The following TTC3 variants were observed in gnomAD, a reference collection of about 807,000 sequenced individuals.
TTC3 encodes tetratricopeptide repeat domain 3.
In TTC3, 180 loss-of-function variants were observed where a neutral mutation model predicts 249.6. The ratio of observed to expected loss-of-function variants is 0.72; its 90% CI spans 0.64 to 0.82. TTC3 has a LOEUF of 0.82. TTC3 is among the 40% of genes least tolerant of loss of function. The pLI is 0.00. For missense variants in TTC3, 2,061 were observed against 2,398.4 expected (o/e 0.86, Z 2.94); for synonymous variants, 717 against 805.0 (o/e 0.89, Z 1.85).
At chr21:37,123,273 G>T (rs1429908309) in intron 13 of TTC3, among the ~76,000 whole-genome samples, 2 of 152,152 alleles carry the variant, frequency 1.3e-5, no homozygotes, top group Admixed American at 1.3e-4. Flanking sequence ...TGGGAAAAGA[G>T]GGGTGAAATG....
intron 30 of TTC3, among the ~76,000 whole-genome samples, chr21:37,161,102 G>T (rs1237609610): frequency 2.0e-5 from 2 of 100,520 alleles, no homozygotes; most frequent in Admixed American, 1.1e-4. Context: ...GTATTTCTGA[G>T]TAAAAAAAAA....
At chr21:37,122,926 G>A in intron 12 of TTC3, 57 bp from the exon 13 acceptor site, 1 of 1,576,734 alleles carries the variant, frequency 6.3e-7, no homozygotes, top group Non-Finnish European at 8.7e-7. Flanking sequence ...ATCTTTTAAA[G>A]TCTGTGTTGC....
At chr21:37,201,941 C>T (rs1219505960) in exon 46 of TTC3, 1 of 185,682 alleles carries the variant, frequency 5.4e-6, no homozygotes, top group African/African-American at 2.4e-5. Flanking sequence ...CGTTTGTTCC[C>T]CTTTTCTGTT....
At chr21:37,175,729 G>A (rs534727581) in intron 35 of TTC3, among the ~76,000 whole-genome samples, 5 of 151,858 alleles carry the variant, frequency 3.3e-5, no homozygotes, top group Non-Finnish European at 7.4e-5. Context: ...AGGCAATTAG[G>A]CCAGTTATCT....
At chr21:37,087,790 A>G in intron 2 of TTC3, 43 bp from the exon 3 acceptor site, 2 of 1,455,222 alleles carry the variant, frequency 1.4e-6, no homozygotes, top group Non-Finnish European at 9.5e-7. Context: ...AAAATCAAGA[A>G]CATTTTACTA....
chr21:37,130,309 G>A (rs1051040839), intron 16 of TTC3, among the ~76,000 whole-genome samples: 1 of 151,822 alleles, frequency 6.6e-6, no homozygotes, highest in Non-Finnish European at 1.5e-5. Flanking sequence ...CTTCTTCCCT[G>A]CCCTCCCCTG....
chr21:37,129,023 G>A, exon 16 of TTC3: 2 of 1,594,050 alleles, frequency 1.3e-6, no homozygotes, highest in East Asian at 2.3e-5. Flanking sequence ...AAAACATAAA[G>A]GAAAACAAAA....
chr21:37,085,159 C>T (rs185180979), intron 1 of TTC3, among the ~76,000 whole-genome samples: 1 of 152,240 alleles, frequency 6.6e-6, no homozygotes, highest in African/African-American at 2.4e-5. Context: ...GTAATTGATG[C>T]CATGATGTGT....
intron 25 of TTC3, among the ~76,000 whole-genome samples, chr21:37,151,111 A>C (rs886925234): frequency 6.6e-6 from 1 of 152,162 alleles, no homozygotes; most frequent in Non-Finnish European, 1.5e-5. Flanking sequence ...TAGTGGTTGA[A>C]TTTACAATTA....
intron 13 of TTC3, 67 bp downstream of exon 13, chr21:37,123,095 AC>A: frequency 6.5e-7 from 1 of 1,543,832 alleles, no homozygotes; most frequent in South Asian, 1.1e-5. Flanking sequence ...TTTAAGAATC[AC>A]TTATGTTTGA....
chr21:37,188,571 TGAA>T (rs1007273126), exon 39 of TTC3: 1 of 1,613,936 alleles, frequency 6.2e-7, no homozygotes, highest in African/African-American at 1.3e-5. Context: ...GAAGCCTTTC[TGAA>T]GAAGCTGGGG....
chr21:37,112,900 TA>T (rs1307264834), intron 11 of TTC3, among the ~76,000 whole-genome samples: 1 of 152,202 alleles, frequency 6.6e-6, no homozygotes, highest in African/African-American at 2.4e-5. Context: ...TGAAAATCAA[TA>T]AATGTAATCC....
At chr21:37,166,655 A>G in intron 33 of TTC3, 40 bp downstream of exon 33, 1 of 1,531,336 alleles carries the variant, frequency 6.5e-7, no homozygotes, top group East Asian at 2.3e-5. Flanking sequence ...TACTGAAGTT[A>G]AATTTTCCTT....
At chr21:37,197,834 G>A (rs766598291) in intron 43 of TTC3, 48 bp from the exon 44 acceptor site, 2 of 1,583,956 alleles carry the variant, frequency 1.3e-6, no homozygotes. Context: ...TTGGATAACT[G>A]GTTGCTTCCC....
Position 37,165,749 on chromosome 21 carries a change from A to G in TTC3, c.3535A>G (p.Lys1179Glu), listed in dbSNP as rs1187164888. 7 of 1,613,410 alleles carry G rather than the reference A, an allele frequency of 4.3e-6. No homozygotes were observed. The Admixed American group carries it at 1.2e-4, about 27-fold the overall frequency. The change falls in exon 33 of 46, where the codon AAG becomes GAG. Residue 1179 changes from lysine to glutamate, a missense_variant. By Grantham distance (56) the Lys-to-Glu change is moderately conservative. This residue lies in a region of TTC3 where 1,040 missense variants were observed against 1,186.1 expected (regional missense o/e 0.88). Transcript: ENST00000355666. ...ACTGAAGAAGGTTGCATCACGGCTC[A>G]AGAAAAAAAGGAAGAAGAAAAACAT...
chr21:37,114,370 C>A (rs1045811235), intron 11 of TTC3, among the ~76,000 whole-genome samples: 1 of 152,030 alleles, frequency 6.6e-6, no homozygotes, highest in African/African-American at 2.4e-5. Flanking sequence ...AAAAAGTGGG[C>A]GAAGGATATG....
At chr21:37,122,857 A>T in intron 12 of TTC3, 126 bp from the exon 13 acceptor site, 1 of 964,538 alleles carries the variant, frequency 1.0e-6, no homozygotes, top group Non-Finnish European at 1.5e-6. Context: ...AATTGCTTAG[A>T]TTTACTTTTC....
intron 11 of TTC3, among the ~76,000 whole-genome samples, chr21:37,119,242 C>A (rs2076396309): frequency 2.0e-5 from 3 of 152,034 alleles, no homozygotes; most frequent in African/African-American, 4.8e-5. Context: ...ACTATAGTGG[C>A]ATTTAATCTA....
chr21:37,123,130 A>G, intron 13 of TTC3, 102 bp downstream of exon 13: 3 of 1,224,814 alleles, frequency 2.4e-6, no homozygotes, highest in Non-Finnish European at 3.6e-6. Context: ...AATAGCAACC[A>G]CAGTAAAGTT....
Sources: gnomAD v4.1 joint callset for allele counts (sites outside exome capture counted in the v4.1 genomes callset) on GRCh38, gnomAD v4.1.1 for gene constraint, gnomAD v4.1.1 regional missense constraint, MANE v1.5 for transcripts, NCBI Gene and HGNC (gene_info 2026-07-23, HGNC 2026-07-21) for gene names.